Variants in ENTPD1 observed in about 807,000 individuals in gnomAD.
ENTPD1 encodes ectonucleoside triphosphate diphosphohydrolase 1.
A neutral mutation model predicts 57.0 loss-of-function variants in ENTPD1; 33 were observed. That is an observed-to-expected ratio of 0.58 (90% confidence interval 0.44 to 0.77). ENTPD1 has a LOEUF of 0.77. Ranked by LOEUF, ENTPD1 falls within the 30% of genes least tolerant of loss-of-function variation. The pLI, the probability that ENTPD1 is intolerant of heterozygous loss-of-function variation, is 0.00. For synonymous variants in ENTPD1, 202 were observed against 218.8 expected (o/e 0.92, Z 0.68); for missense variants, 501 against 603.4 (o/e 0.83, Z 1.78).
intron 1 of ENTPD1, among the ~76,000 whole-genome samples, chr10:95,716,973 C>G (rs1314111856): frequency 2.0e-5 from 3 of 152,216 alleles, no homozygotes; most frequent in East Asian, 3.9e-4. Context: ...TAAGGAGAGG[C>G]AGGGAAACTG....
At chr10:95,806,683 C>A (rs1048143998) in intron 1 of ENTPD1, among the ~76,000 whole-genome samples, 1 of 152,180 alleles carries the variant, frequency 6.6e-6, no homozygotes, top group African/African-American at 2.4e-5. Context: ...GTGTAGGTGT[C>A]CTTTTTGTTG....
In ENTPD1 at chr10:95,860,520, A is replaced by G; in HGVS notation, c.1126A>G (p.Lys376Glu). The change falls in exon 8 of 10, where the codon AAA (lysine) becomes GAA (glutamate). Residue 376 changes from lysine (K) to glutamate (E), a missense_variant. By Grantham distance (56) the Lys-to-Glu change is moderately conservative. Coordinates refer to ENST00000371205, the MANE Select transcript of ENTPD1 (RefSeq NM_001776.6). ...VMKFLNLTSE[K>E]VSQEKVTEMM... ...GAAGTTTTTAAACTTGACATCAGAG[A>G]AAGTCTCTCAGGAAAAGGTGACTGA... The G allele has an allele frequency of 6.2e-7, 1 of 1,614,000 alleles. No homozygotes were observed. Among genetic ancestry groups the G allele is most frequent in the South Asian group, 1.1e-5 (1 of 91,070 alleles).
intron 1 of ENTPD1, among the ~76,000 whole-genome samples, chr10:95,775,375 G>C (rs999820779): frequency 2.6e-5 from 4 of 152,208 alleles, no homozygotes; most frequent in African/African-American, 9.7e-5. Flanking sequence ...TTGAATAGGA[G>C]TGGTGAGAGA....
intron 1 of ENTPD1, among the ~76,000 whole-genome samples, chr10:95,739,637 CT>C (rs905038139): frequency 2.6e-5 from 4 of 152,174 alleles, no homozygotes; most frequent in African/African-American, 9.7e-5. Flanking sequence ...TCACTGAAGT[CT>C]TGAACCCCTC....
intron 1 of ENTPD1, among the ~76,000 whole-genome samples, chr10:95,764,326 A>G (rs765903300): frequency 2.6e-5 from 4 of 152,198 alleles, no homozygotes; most frequent in Non-Finnish European, 2.9e-5. Flanking sequence ...ACTTTTTGAC[A>G]TTATGAATAA....
At chr10:95,754,144 A>G (rs1173352418), upstream of ENTPD1, 2 of 151,858 alleles carry the variant, frequency 1.3e-5, no homozygotes, top group African/African-American at 4.8e-5. Context: ...CCCCATCTCT[A>G]CTAAAAATAC....
At chr10:95,720,776 C>T (rs2097976567) in intron 1 of ENTPD1, among the ~76,000 whole-genome samples, 1 of 152,180 alleles carries the variant, frequency 6.6e-6, no homozygotes, top group Non-Finnish European at 1.5e-5. Context: ...CAGCTTATTT[C>T]TATTTGGACA....
the ENTPD1 span, among the ~76,000 whole-genome samples, chr10:95,702,115 A>T: frequency 2.0e-5 from 3 of 152,080 alleles, no homozygotes; most frequent in Admixed American, 6.5e-5. Flanking sequence ...TGATAAAACC[A>T]ATAGCTGGTT....
chr10:95,858,298 C>G (rs1000112958), intron 7 of ENTPD1, among the ~76,000 whole-genome samples: 3 of 151,946 alleles, frequency 2.0e-5, no homozygotes, highest in African/African-American at 7.3e-5. Flanking sequence ...TGTACAGGTT[C>G]TAGGGGAGGA....
rs1047082166 is a variant in ENTPD1, at chr10:95,770,479, G to A, written c.16+14224G>A. Among the ~76,000 whole-genome samples the A allele has an allele frequency of 2.0e-5, 3 of 152,298 alleles. No homozygotes were observed. The South Asian group carries it at 6.2e-4, about 32-fold the overall frequency. On this transcript the variant is annotated intron_variant, in intron 1 of 9. Coordinates refer to ENST00000371205, the MANE Select transcript of ENTPD1 (RefSeq NM_001776.6). ...AGTAAAGATTTCACAGGTAGAGGAA[G>A]TCTTTTAGGGATGGAAATATTTACA...
chr10:95,702,918 A>G, the ENTPD1 span, among the ~76,000 whole-genome samples: 1 of 152,004 alleles, frequency 6.6e-6, no homozygotes, highest in East Asian at 1.9e-4. Flanking sequence ...GTAGCTGGGA[A>G]TGACAGGCAC....
chr10:95,838,492 T>A (rs1362282565), intron 2 of ENTPD1, among the ~76,000 whole-genome samples: 2 of 152,194 alleles, frequency 1.3e-5, no homozygotes, highest in Non-Finnish European at 2.9e-5. Context: ...GATGAACTAC[T>A]GATACACACA....
chr10:95,748,958 AG>A lies in ENTPD1; in HGVS notation c.37+36967del, dbSNP rs140559275. Among the ~76,000 whole-genome samples the A allele has an allele frequency of 5.8e-3, 882 of 152,274 alleles. 7 individuals are homozygous for A. The highest frequency in any genetic ancestry group is 0.01 in the Middle Eastern group (3 of 294). On this transcript the variant is annotated intron_variant, in intron 1 of 9. Coordinates refer to the ENTPD1 transcript ENST00000453258. ...CCTCTTTTCCCCACAAACTGGTATT[AG>A]GTTTAGAAGCTTCCATTTTTGGGAA...
chr10:95,876,803 G>A lies in ENTPD1; in HGVS notation c.*10420G>A, dbSNP rs191527619. ...CATTTAGCCAGTCTTGAAGAAGCAAGTGCTAATTACAATCACAAATGAAAC... is the reference window on the plus strand; with the variant it reads ...CATTTAGCCAGTCTTGAAGAAGCAAATGCTAATTACAATCACAAATGAAAC... On this transcript the variant is annotated 3_prime_UTR_variant, in exon 10 of 10. Coordinates refer to ENST00000371205, the MANE Select transcript of ENTPD1 (RefSeq NM_001776.6). The A allele has an allele frequency of 2.6e-4, 94 of 356,764 alleles. No homozygotes were observed. Among genetic ancestry groups the A allele is most frequent in the African/African-American group, 1.7e-3 (81 of 47,258 alleles). The allele number at this position is 356,764 out of a possible 1,614,324, so 22.1% of individuals were successfully genotyped here.
intron 7 of ENTPD1, among the ~76,000 whole-genome samples, chr10:95,857,957 T>G (rs1411273273): frequency 6.6e-6 from 1 of 151,974 alleles, no homozygotes. Flanking sequence ...GTTAGGAGAT[T>G]GAGACCATCC....
At chr10:95,844,270 G>A (rs1267060206) in intron 4 of ENTPD1, among the ~76,000 whole-genome samples, 1 of 152,188 alleles carries the variant, frequency 6.6e-6, no homozygotes, top group Non-Finnish European at 1.5e-5. Context: ...ATGTGGATTT[G>A]GAGAGAGATG....
At chr10:95,694,991 C>A in the ENTPD1 span, among the ~76,000 whole-genome samples, 1 of 149,268 alleles carries the variant, frequency 6.7e-6, no homozygotes, top group Non-Finnish European at 1.5e-5. Flanking sequence ...ACCTCTGCCT[C>A]TAGGATTCAG....
In ENTPD1 at chr10:95,869,225, T is replaced by G; in HGVS notation, c.*2842T>G. On this transcript the variant is annotated 3_prime_UTR_variant, in exon 10 of 10. Transcript: ENST00000371205. Reference sequence around the variant, plus strand: ...ATGAACCTATAGGGGAGAAAAAAGATCAGCAGAAGTCATTACTTTTTTTTT... The same window carrying G: ...ATGAACCTATAGGGGAGAAAAAAGAGCAGCAGAAGTCATTACTTTTTTTTT... 1 of 739,770 alleles carries G rather than the reference T, an allele frequency of 1.4e-6. No individual in the cohort carries two copies. Among genetic ancestry groups the G allele is most frequent in the Non-Finnish European group, 1.6e-6 (1 of 609,290 alleles). 45.8% of individuals were successfully genotyped at this position (739,770 alleles called of 1,614,324 possible). A position where few individuals can be genotyped will look rare whatever the true frequency, so the allele number is the denominator to read the frequency against.
At chr10:95,839,831 G>A (rs758302833) in intron 3 of ENTPD1, 23 bp downstream of exon 3, 1 of 1,611,946 alleles carries the variant, frequency 6.2e-7, no homozygotes, top group South Asian at 1.1e-5. Context: ...CCAAGGGAAG[G>A]GGAGGCCAAC....
Sources: allele counts gnomAD v4.1 joint callset (sites outside exome capture counted in the v4.1 genomes callset), GRCh38; gene constraint gnomAD v4.1.1; transcripts MANE v1.5; gene names NCBI Gene and HGNC (gene_info 2026-07-23, HGNC 2026-07-21).